The following FGD4 variants were observed in gnomAD, a reference collection of about 807,000 sequenced individuals.
FGD4 encodes the protein FYVE, RhoGEF and PH domain containing 4, also known as FYVE, RhoGEF and PH domain-containing protein 4.
FGD4 carries 42 observed loss-of-function variants against 102.0 expected under a neutral mutation model. The ratio of observed to expected loss-of-function variants is 0.41; its 90% CI spans 0.32 to 0.53. The LOEUF (loss-of-function observed/expected upper bound fraction) is 0.53. Ranked by LOEUF, FGD4 falls within the 20% of genes least tolerant of loss-of-function variation. FGD4 has a pLI of 0.21. For synonymous variants in FGD4, 380 were observed against 375.7 expected (o/e 1.01, Z -0.13); for missense variants, 902 against 1,078.2 (o/e 0.84, Z 2.29).
At chr12:32,420,635 G>A (rs1270955058) in intron 1 of FGD4, among the ~76,000 whole-genome samples, 1 of 152,056 alleles carries the variant, frequency 6.6e-6, no homozygotes, top group Non-Finnish European at 1.5e-5. Context: ...CTCCTGGTTG[G>A]GACCTGAGGT....
chr12:32,505,721 G>A (rs1305850498), intron 1 of FGD4, among the ~76,000 whole-genome samples: 1 of 152,106 alleles, frequency 6.6e-6, no homozygotes, highest in Non-Finnish European at 1.5e-5. Flanking sequence ...AAATAACCAC[G>A]GCTCTGTACG....
chr12:32,644,067 G>A lies in FGD4; in HGVS notation c.*3534G>A, dbSNP rs1447474942. ...TTAATGAAGATTTCCTATATCATATGATATTTGTGTTAGTGGGTCTAAGAT... is the reference window on the plus strand; with the variant it reads ...TTAATGAAGATTTCCTATATCATATAATATTTGTGTTAGTGGGTCTAAGAT... On this transcript the variant is annotated 3_prime_UTR_variant, in exon 17 of 17. Transcript: ENST00000534526. 6.6e-6 allele frequency: 1 copy of A among 152,112 alleles called. No homozygotes were observed. 9.4% of individuals were successfully genotyped at this position (152,112 alleles called of 1,614,324 possible). A position where few individuals can be genotyped will look rare whatever the true frequency, so the allele number is the denominator to read the frequency against.
At chr12:32,480,667 A>ATT (rs755836806) in intron 1 of FGD4, among the ~76,000 whole-genome samples, 1 of 143,158 alleles carries the variant, frequency 7.0e-6, no homozygotes, top group Non-Finnish European at 1.5e-5. Context: ...TGGCCAGCTA[A>ATT]TTTTTGTATT....
At chr12:32,414,441 C>T (rs1179457954) in intron 1 of FGD4, among the ~76,000 whole-genome samples, 1 of 152,098 alleles carries the variant, frequency 6.6e-6, no homozygotes, top group East Asian at 1.9e-4. Context: ...TGTTACAATC[C>T]AATTACACTC....
chr12:32,578,241 C>T (rs1946292240), intron 3 of FGD4, among the ~76,000 whole-genome samples: 1 of 151,938 alleles, frequency 6.6e-6, no homozygotes, highest in African/African-American at 2.4e-5. Flanking sequence ...ACTGCCGATA[C>T]AAAAAACAAT....
chr12:32,608,945 C>T (rs1195943421), intron 8 of FGD4, among the ~76,000 whole-genome samples: 1 of 152,124 alleles, frequency 6.6e-6, no homozygotes, highest in African/African-American at 2.4e-5. Flanking sequence ...GACACAGAGT[C>T]ACACCCTGTT....
chr12:32,637,899 G>T (rs1950939285), intron 15 of FGD4: 1 of 152,274 alleles, frequency 6.6e-6, no homozygotes, highest in Non-Finnish European at 1.5e-5. Flanking sequence ...TACAATTGAA[G>T]ATGAGATTTG....
chr12:32,597,714 C>T (rs748714451), intron 4 of FGD4, among the ~76,000 whole-genome samples: 1 of 152,010 alleles, frequency 6.6e-6, no homozygotes, highest in Non-Finnish European at 1.5e-5. Flanking sequence ...TAAATAAATA[C>T]ATACTGAAGA....
intron 1 of FGD4, among the ~76,000 whole-genome samples, chr12:32,486,642 C>T (rs1274241828): frequency 6.6e-6 from 1 of 152,196 alleles, no homozygotes; most frequent in African/African-American, 2.4e-5. Flanking sequence ...ATTCCCCCTA[C>T]TTCTAAAACA....
intron 4 of FGD4, among the ~76,000 whole-genome samples, chr12:32,597,552 T>C (rs1261847470): frequency 2.0e-5 from 3 of 152,240 alleles, no homozygotes; most frequent in Non-Finnish European, 4.4e-5. Context: ...ATGTGATTGC[T>C]ACTCATTCAT....
intron 1 of FGD4, among the ~76,000 whole-genome samples, chr12:32,545,855 G>C (rs1037721889): frequency 1.5e-4 from 23 of 152,210 alleles, no homozygotes; most frequent in African/African-American, 5.3e-4. Context: ...ACATATTCCA[G>C]CTTTGGAGAG....
intron 1 of FGD4, among the ~76,000 whole-genome samples, chr12:32,494,855 C>T (rs144725846): frequency 3.3e-5 from 5 of 152,270 alleles, no homozygotes; most frequent in African/African-American, 1.2e-4. Flanking sequence ...ACAGATGTGG[C>T]TGAGGAGTGA....
intron 2 of FGD4, among the ~76,000 whole-genome samples, chr12:32,574,271 A>T (rs1360384975): frequency 6.6e-6 from 1 of 151,982 alleles, no homozygotes; most frequent in Non-Finnish European, 1.5e-5. Flanking sequence ...AGCACACAAA[A>T]TTATATTCAC....
At chr12:32,603,446 G>A (rs1211242955) in intron 7 of FGD4, among the ~76,000 whole-genome samples, 1 of 151,602 alleles carries the variant, frequency 6.6e-6, no homozygotes, top group Non-Finnish European at 1.5e-5. Context: ...GGAGTGCAGT[G>A]GCGTGATCTA....
At chr12:32,623,212 T>C (rs1224714165) in intron 11 of FGD4, among the ~76,000 whole-genome samples, 6 of 152,104 alleles carry the variant, frequency 3.9e-5, no homozygotes, top group African/African-American at 1.4e-4. Flanking sequence ...CTACCATAAC[T>C]AAAAACTAAA....
At chr12:32,570,470 G>A (rs1294446543) in intron 2 of FGD4, among the ~76,000 whole-genome samples, 2 of 151,320 alleles carry the variant, frequency 1.3e-5, no homozygotes. Context: ...TTTTGAGGCA[G>A]GCTGTCTATT....
rs150852537 is a variant in FGD4, at chr12:32,633,222, AG to A, written c.2173-322del. 0.51 allele frequency among the ~76,000 whole-genome samples: 76,524 copies of A among 149,128 alleles called. 20,322 individuals carry two copies. Among genetic ancestry groups the A allele is most frequent in the African/African-American group, 0.66 (27,225 of 41,004 alleles). On this transcript the variant is annotated intron_variant, in intron 14 of 16. Coordinates refer to ENST00000534526, the MANE Select transcript of FGD4 (RefSeq NM_001370298.3). ...TGTGAGAGGGGACCGGGTTGGGAGG[AG>A]GGGGTGGGATGGGCTAAGAGAGACC...
At position 32,399,943 on chromosome 12, in the gene FGD4, G is replaced by A; in HGVS notation, c.150G>A (p.Val50=). 1 of 1,492,640 alleles carries A rather than the reference G, an allele frequency of 6.7e-7. No individual in the cohort carries two copies. Among genetic ancestry groups the A allele is most frequent in the Non-Finnish European group, 8.9e-7 (1 of 1,127,046 alleles). 92.5% of individuals were successfully genotyped at this position (1,492,640 alleles called of 1,614,324 possible). A position where few individuals can be genotyped will look rare whatever the true frequency, so the allele number is the denominator to read the frequency against. ...GGACCGCTGCCTTCAAGGGCCAGGT[G>A]CCCTCAGGAGCCACAGGTAAGCGCC... ...RVGTAAFKGQ[V]PSGATGSSTC... Residue 50 remains valine, a synonymous_variant, in exon 1 of 17, where the codon GTG becomes GTA. Coordinates refer to ENST00000534526, the MANE Select transcript of FGD4 (RefSeq NM_001370298.3).
chr12:32,529,749 A>G (rs1293154078), intron 1 of FGD4, among the ~76,000 whole-genome samples: 1 of 151,714 alleles, frequency 6.6e-6, no homozygotes, highest in Non-Finnish European at 1.5e-5. Context: ...AGGCTGAGGC[A>G]GGAGAATCAC....
Sources: allele counts gnomAD v4.1 joint callset (sites outside exome capture counted in the v4.1 genomes callset), GRCh38; gene constraint gnomAD v4.1.1; transcripts MANE v1.5; gene names NCBI Gene and HGNC (gene_info 2026-07-23, HGNC 2026-07-21).